SGCZ: variants seen among roughly 807,000 people sequenced by gnomAD.
SGCZ encodes the protein sarcoglycan zeta, also known as zeta-sarcoglycan.
Under a neutral mutation model 41.3 loss-of-function variants are expected in SGCZ, and 40 were observed. That is an observed-to-expected ratio of 0.97 (90% CI 0.75 to 1.26). The LOEUF (loss-of-function observed/expected upper bound fraction) is 1.26. Ranked by LOEUF, SGCZ falls within the 50% of genes most tolerant of loss-of-function variation. The pLI, the probability that SGCZ is intolerant of heterozygous loss-of-function variation, is 0.00. For synonymous variants in SGCZ, 206 were observed against 137.5 expected (o/e 1.50, Z -3.49); for missense variants, 552 against 369.8 (o/e 1.49, Z -4.04).
At chr8:15,110,263 T>G (rs1003602359) in intron 1 of SGCZ, among the ~76,000 whole-genome samples, 1 of 152,076 alleles carries the variant, frequency 6.6e-6, no homozygotes, top group Non-Finnish European at 1.5e-5. Flanking sequence ...ACTCCACCAT[T>G]GCATCAAAAA....
intron 1 of SGCZ, among the ~76,000 whole-genome samples, chr8:14,583,527 A>G (rs1469407974): frequency 6.6e-6 from 1 of 151,964 alleles, no homozygotes; most frequent in Non-Finnish European, 1.5e-5. Flanking sequence ...CAATTTGTCA[A>G]TTTTGGCTTT....
intron 1 of SGCZ, among the ~76,000 whole-genome samples, chr8:14,561,791 A>T (rs1429617484): frequency 1.3e-5 from 2 of 152,170 alleles, no homozygotes; most frequent in Non-Finnish European, 2.9e-5. Context: ...CTACAAAGGA[A>T]TACACTTTCC....
At chr8:15,211,064 C>CATAGATATATAGATAAATATAGAT (rs1554478404) in intron 1 of SGCZ, among the ~76,000 whole-genome samples, 1 of 136,276 alleles carries the variant, frequency 7.3e-6, no homozygotes, top group African/African-American at 2.7e-5. Flanking sequence ...TATAGATATA[C>CATAGATATATAGATAAATATAGAT]ATAGATATAT....
intron 1 of SGCZ, among the ~76,000 whole-genome samples, chr8:14,584,976 G>A (rs1246590444): frequency 2.6e-5 from 4 of 152,024 alleles, no homozygotes; most frequent in African/African-American, 7.2e-5. Flanking sequence ...TTGAGCCCAG[G>A]TACTTTAGCC....
At chr8:15,166,415 T>C (rs1264503542) in intron 1 of SGCZ, among the ~76,000 whole-genome samples, 3 of 151,700 alleles carry the variant, frequency 2.0e-5, no homozygotes, top group Non-Finnish European at 4.4e-5. Context: ...GCCCAGCTAG[T>C]TTTTTCTATT....
In SGCZ at chr8:15,186,651, C is replaced by A. The variant is rs1476932122; in HGVS notation, c.39+50934G>T. On this transcript the variant is annotated intron_variant, in intron 1 of 7. Coordinates refer to ENST00000382080, the MANE Select transcript of SGCZ (RefSeq NM_139167.4). ...CACTCTAACTATGAAACATTCTGTA[C>A]TTCACAAAGTTGCAGAAGGTGAGCA... Among the ~76,000 whole-genome samples the A allele has an allele frequency of 2.0e-5, 3 of 152,152 alleles. No homozygotes were observed. The East Asian group carries it at 5.8e-4, about 29-fold the overall frequency.
rs867649668 is a variant in SGCZ at position 14,158,933 on chromosome 8, A to C, written c.547+5647T>G. ...ACAGGTGCCCACCAGCACACTGGCT[A>C]ATTTTTGTAGTTTTAGCAGAGATGG... On this transcript the variant is annotated intron_variant, in intron 5 of 7. Transcript: ENST00000382080. Among the ~76,000 whole-genome samples the C allele has an allele frequency of 2.0e-5, 3 of 152,006 alleles. 1 individual carries two copies. Among genetic ancestry groups the C allele is most frequent in the South Asian group, 4.1e-4 (2 of 4,822 alleles).
intron 7 of SGCZ, among the ~76,000 whole-genome samples, chr8:14,095,137 C>T (rs1485449301): frequency 6.6e-6 from 1 of 152,126 alleles, no homozygotes; most frequent in African/African-American, 2.4e-5. Context: ...TAATTAGATC[C>T]TATTTGTCAA....
At chr8:14,339,862 T>A (rs187594917) in intron 2 of SGCZ, among the ~76,000 whole-genome samples, 1 of 151,950 alleles carries the variant, frequency 6.6e-6, no homozygotes, top group Admixed American at 6.6e-5. Context: ...GGGAATGAAA[T>A]AATTACTAAA....
At chr8:14,183,691 T>C (rs1017863115) in intron 4 of SGCZ, among the ~76,000 whole-genome samples, 25 of 152,298 alleles carry the variant, frequency 1.6e-4, no homozygotes, top group Admixed American at 1.4e-3. Context: ...GCTTAACCTC[T>C]AATCTACCTA....
At chr8:14,645,759 G>C (rs1422148679) in intron 1 of SGCZ, among the ~76,000 whole-genome samples, 1 of 151,446 alleles carries the variant, frequency 6.6e-6, no homozygotes, top group Admixed American at 6.6e-5. Context: ...TACGTAGTAA[G>C]TTACCAAATA....
intron 5 of SGCZ, among the ~76,000 whole-genome samples, chr8:14,125,320 G>A (rs558783578): frequency 3.3e-5 from 5 of 152,084 alleles, no homozygotes; most frequent in Admixed American, 2.0e-4. Flanking sequence ...TGGCTAACAT[G>A]GTGAAACCCC....
intron 1 of SGCZ, among the ~76,000 whole-genome samples, chr8:15,058,178 A>G (rs1480115406): frequency 6.6e-6 from 1 of 152,240 alleles, no homozygotes; most frequent in East Asian, 1.9e-4. Context: ...ATAATTTATA[A>G]CAGCAGTATG....
chr8:14,524,218 GT>G (rs199857160), intron 2 of SGCZ, among the ~76,000 whole-genome samples: 4,671 of 145,712 alleles, frequency 0.032, 201 homozygotes, highest in Admixed American at 0.09. Context: ...TTCTGTTTTA[GT>G]TTTTTTTTTT....
rs189815371 is a variant in SGCZ at position 14,129,411 on chromosome 8, T to C, written c.548-21176A>G. The stretch of plus-strand genomic sequence containing the variant: ...CTCATAAATTTATAGAAATAAAAAT[T>C]TGAAAAATAAGGAAGACTGAAAAAT... On this transcript the variant is annotated intron_variant, in intron 5 of 7. Coordinates refer to ENST00000382080, the MANE Select transcript of SGCZ (RefSeq NM_139167.4). 8.9e-5 allele frequency among the ~76,000 whole-genome samples: 13 copies of C among 146,862 alleles called. 1 individual carries two copies. The highest frequency in any genetic ancestry group is 3.0e-4 in the African/African-American group (12 of 40,140).
At chr8:15,076,412 A>G (rs1322682939) in intron 1 of SGCZ, among the ~76,000 whole-genome samples, 1 of 152,202 alleles carries the variant, frequency 6.6e-6, no homozygotes. Flanking sequence ...GATTGCAGAA[A>G]GAGTTTGAGA....
At chr8:14,099,752 T>G (rs910652932) in intron 7 of SGCZ, among the ~76,000 whole-genome samples, 18 of 152,194 alleles carry the variant, frequency 1.2e-4, no homozygotes, top group African/African-American at 4.1e-4. Context: ...TTAATTATTT[T>G]TCTTTGATCT....
At position 14,935,016 on chromosome 8, in the gene SGCZ, CAA is replaced by C. The variant is rs35275361; in HGVS notation, c.39+302567_39+302568del. On this transcript the variant is annotated intron_variant, in intron 1 of 7. Coordinates refer to ENST00000382080, the MANE Select transcript of SGCZ (RefSeq NM_139167.4). ...AGCTTTTAAAAAGGAAGACAAAATG[CAA>C]AAAAAAAAAAAAACTTTTAAAGGTG... is the stretch of plus-strand genomic sequence containing the variant. Among the ~76,000 whole-genome samples the C allele has an allele frequency of 6.9e-4, 68 of 98,180 alleles. 1 individual carries two copies. The highest frequency in any genetic ancestry group is 1.9e-3 in the East Asian group (7 of 3,728). 64.4% of individuals were successfully genotyped at this position (98,180 alleles called of 152,430 possible). A position where few individuals can be genotyped will look rare whatever the true frequency, so the allele number is the denominator to read the frequency against.
intron 2 of SGCZ, among the ~76,000 whole-genome samples, chr8:14,453,301 T>A (rs879724270): frequency 9.2e-5 from 14 of 152,194 alleles, no homozygotes; most frequent in African/African-American, 3.4e-4. Flanking sequence ...GCACTCTAAT[T>A]AAAGTTTATT....
Sources: gnomAD v4.1 joint callset for allele counts (sites outside exome capture counted in the v4.1 genomes callset) on GRCh38, gnomAD v4.1.1 for gene constraint, MANE v1.5 for transcripts, NCBI Gene and HGNC (gene_info 2026-07-23, HGNC 2026-07-21) for gene names.